The following ADAMTS12 variants were observed in gnomAD, a reference collection of about 807,000 sequenced individuals.
ADAMTS12 encodes the protein A disintegrin and metalloproteinase with thrombospondin motifs 12.
A neutral mutation model predicts 167.8 loss-of-function variants in ADAMTS12; 118 were observed. The observed-to-expected ratio is 0.70, with a 90% CI of 0.61 to 0.82. The LOEUF (loss-of-function observed/expected upper bound fraction) is 0.82. Among genes scored for constraint, ADAMTS12 ranks in the 40% least tolerant of loss-of-function variants. The probability of loss-of-function intolerance (pLI) is 0.00; values close to 1 mark genes in which losing one functional copy is unlikely to be tolerated. For missense variants in ADAMTS12, 1,916 were observed against 1,998.8 expected (o/e 0.96, Z 0.79); for synonymous variants, 704 against 716.9 (o/e 0.98, Z 0.29).
intron 2 of ADAMTS12, among the ~76,000 whole-genome samples, chr5:33,837,678 A>G (rs1169532647): frequency 6.6e-6 from 1 of 152,214 alleles, no homozygotes; most frequent in South Asian, 2.1e-4. Flanking sequence ...ATGATTTTGT[A>G]AAAGAAAGCT....
Position 33,626,361 on chromosome 5 carries a change from GGTGGTGGTGGTGATGGGGGTGATGGTA to G in ADAMTS12, c.2023-2037_2023-2011del, listed in dbSNP as rs1739598743. ...GTGGTAGTAGTGGTGGTGATGTGAT[GGTGGTGGTGGTGATGGGGGTGATGGTA>G]GTGGTGATGGTGGTGGGGGTGATGG... On this transcript the variant is annotated intron_variant, in intron 13 of 23. Coordinates refer to ENST00000504830, the MANE Select transcript of ADAMTS12 (RefSeq NM_030955.4). Among the ~76,000 whole-genome samples, 2 of 150,344 alleles carry G rather than the reference GGTGGTGGTGGTGATGGGGGTGATGGTA, an allele frequency of 1.3e-5. 1 individual carries two copies. Among genetic ancestry groups the G allele is most frequent in the South Asian group, 4.2e-4 (2 of 4,770 alleles).
chr5:33,646,815 A>C (rs927776799), intron 9 of ADAMTS12, among the ~76,000 whole-genome samples: 4 of 152,168 alleles, frequency 2.6e-5, no homozygotes, highest in African/African-American at 9.7e-5. Flanking sequence ...TGCAAAATAA[A>C]TATGTCACAT....
chr5:33,548,829 G>A (rs755727340), intron 21 of ADAMTS12, among the ~76,000 whole-genome samples: 1 of 152,096 alleles, frequency 6.6e-6, no homozygotes, highest in Non-Finnish European at 1.5e-5. Context: ...GACTGCAGAA[G>A]CCTCAGAGAG....
At position 33,849,480 on chromosome 5, in the gene ADAMTS12, A is replaced by ATAG. The variant is rs1250456198; in HGVS notation, c.489+31638_489+31639insCTA. On this transcript the variant is annotated intron_variant, in intron 2 of 23. Coordinates refer to ENST00000504830, the MANE Select transcript of ADAMTS12 (RefSeq NM_030955.4). ...ACAGCAATATATATATATGTATTGC[A>ATAG]CAGCAATATATATATATGTATTGCA... Among the ~76,000 whole-genome samples, 194 of 142,590 alleles carry ATAG rather than the reference A, an allele frequency of 1.4e-3. 31 individuals carry two copies. The Middle Eastern group carries it at 0.026, about 19-fold the overall frequency. 93.5% of individuals were successfully genotyped at this position (142,590 alleles called of 152,430 possible). A position where few individuals can be genotyped will look rare whatever the true frequency, so the allele number is the denominator to read the frequency against.
At chr5:33,630,957 G>A (rs749422537) in intron 12 of ADAMTS12, 44 bp from the exon 13 acceptor site, 1 of 1,599,218 alleles carries the variant, frequency 6.3e-7, no homozygotes, top group Non-Finnish European at 8.6e-7. Flanking sequence ...TTAGCTTTTA[G>A]CTCAGCATCC....
At chr5:33,726,965 T>C (rs1744003245) in intron 3 of ADAMTS12, among the ~76,000 whole-genome samples, 1 of 152,200 alleles carries the variant, frequency 6.6e-6, no homozygotes, top group Non-Finnish European at 1.5e-5. Context: ...CTAAGCCAGC[T>C]GCAGTTTGCC....
chr5:33,630,961 A>G lies in ADAMTS12; in HGVS notation c.1889-48T>C, dbSNP rs1579775105. 2.5e-6 allele frequency: 4 copies of G among 1,598,512 alleles called. No individual in the cohort carries two copies. In the South Asian group the frequency reaches 4.4e-5, roughly 18 times the overall value. ...AGCCTTGCAAATTAGCTTTTAGCTC[A>G]GCATCCTCCCCCAGGATTCCTCCGT... On this transcript the variant is annotated intron_variant, in intron 12 of 23. Transcript: ENST00000504830.
intron 2 of ADAMTS12, among the ~76,000 whole-genome samples, chr5:33,779,184 A>T (rs967526911): frequency 1.5e-5 from 2 of 135,506 alleles, no homozygotes; most frequent in East Asian, 2.1e-4. Context: ...TGAAATTAGT[A>T]TTTTTTTTTT....
intron 7 of ADAMTS12, among the ~76,000 whole-genome samples, chr5:33,650,428 A>AT (rs1262534901): frequency 6.6e-6 from 1 of 152,184 alleles, no homozygotes; most frequent in African/African-American, 2.4e-5. Context: ...CAAGGATAGA[A>AT]TTTTTTTAAA....
At position 33,532,472 on chromosome 5, in the gene ADAMTS12, ATT is replaced by A. The variant is rs55826401; in HGVS notation, c.4606+2359_4606+2360del. ...AACATTGGATCTAAGTACTGTTTCT[ATT>A]TTTTTTTTTTTTTTGGCCTTTTCTA... On this transcript the variant is annotated intron_variant, in intron 23 of 23. Coordinates refer to ENST00000504830, the MANE Select transcript of ADAMTS12 (RefSeq NM_030955.4). Among the ~76,000 whole-genome samples the A allele has an allele frequency of 2.6e-3, 358 of 139,366 alleles. 2 individuals carry two copies. The highest frequency in any genetic ancestry group is 3.8e-3 in the Non-Finnish European group (241 of 63,608). 91.4% of individuals were successfully genotyped at this position (139,366 alleles called of 152,430 possible).
Position 33,627,677 on chromosome 5 carries a change from T to C in ADAMTS12, c.2022+3103A>G, listed in dbSNP as rs574017768. Among the ~76,000 whole-genome samples, 14 of 152,276 alleles carry C rather than the reference T, an allele frequency of 9.2e-5. No homozygotes were observed. The South Asian group carries it at 2.5e-3, about 27-fold the overall frequency. On this transcript the variant is annotated intron_variant, in intron 13 of 23. Coordinates refer to ENST00000504830, the MANE Select transcript of ADAMTS12 (RefSeq NM_030955.4). Reference sequence around the variant, plus strand: ...AACAGGTTGGGGCAAGAATTAGGTATAATTTTAATTTAGAAATGTTAAGAT... The same window carrying C: ...AACAGGTTGGGGCAAGAATTAGGTACAATTTTAATTTAGAAATGTTAAGAT...
intron 17 of ADAMTS12, among the ~76,000 whole-genome samples, chr5:33,594,128 T>C (rs150853782): frequency 6.4e-4 from 98 of 152,318 alleles, no homozygotes; most frequent in African/African-American, 2.2e-3. Context: ...TGGTGGGAGA[T>C]AATTGAATCA....
intron 2 of ADAMTS12, among the ~76,000 whole-genome samples, chr5:33,796,716 A>G (rs1423853624): frequency 6.6e-6 from 1 of 152,184 alleles, no homozygotes; most frequent in Non-Finnish European, 1.5e-5. Flanking sequence ...TTGAAAGTAT[A>G]TATGTGCTGA....
At chr5:33,743,636 T>C (rs1487609294) in intron 3 of ADAMTS12, among the ~76,000 whole-genome samples, 2 of 152,208 alleles carry the variant, frequency 1.3e-5, no homozygotes, top group Non-Finnish European at 2.9e-5. Context: ...AGTGTGAGTG[T>C]GGGAGCTCGC....
chr5:33,614,343 AC>A lies in ADAMTS12; in HGVS notation c.2421del (p.Lys807AsnfsTer32). On this transcript the variant is annotated frameshift_variant, in exon 16 of 24. Coordinates refer to ENST00000504830, the MANE Select transcript of ADAMTS12 (RefSeq NM_030955.4). LOFTEE classifies it high-confidence loss of function. Reference protein sequence around the residue: ...LLFQVTNPGIKYEYTIQKDGL... With the variant: ...LLFQVTNPGIXYEYTIQKDGL... ...CCATCTTTCTGGATTGTGTACTCATACTTGATGCCAGGGTTAGTCACCTGGA... is the reference window on the plus strand; with the variant it reads ...CCATCTTTCTGGATTGTGTACTCATATTGATGCCAGGGTTAGTCACCTGGA... 1 of 1,614,100 alleles carries A rather than the reference AC, an allele frequency of 6.2e-7. No homozygotes were observed. Among genetic ancestry groups the A allele is most frequent in the Non-Finnish European group, 8.5e-7 (1 of 1,179,972 alleles).
intron 3 of ADAMTS12, among the ~76,000 whole-genome samples, chr5:33,729,059 TAAC>T (rs1579881392): frequency 6.6e-6 from 1 of 152,360 alleles, no homozygotes; most frequent in East Asian, 1.9e-4. Flanking sequence ...TATGAAATAT[TAAC>T]AATATTAGCT....
chr5:33,530,115 G>T (rs375026431), intron 23 of ADAMTS12, among the ~76,000 whole-genome samples: 1 of 151,324 alleles, frequency 6.6e-6, no homozygotes, highest in Non-Finnish European at 1.5e-5. Flanking sequence ...TAGTAGAGAC[G>T]GGGTTTCACC....
At chr5:33,833,140 T>C (rs867771893) in intron 2 of ADAMTS12, among the ~76,000 whole-genome samples, 2 of 152,342 alleles carry the variant, frequency 1.3e-5, no homozygotes, top group African/African-American at 4.8e-5. Context: ...ATGATGATCA[T>C]GAATAACTAT....
chr5:33,717,586 G>T (rs915361923), intron 3 of ADAMTS12, among the ~76,000 whole-genome samples: 11 of 152,110 alleles, frequency 7.2e-5, no homozygotes, highest in Non-Finnish European at 1.3e-4. Context: ...GGCACCATAT[G>T]TCTCTTTCAA....
Sources: allele counts gnomAD v4.1 joint callset (sites outside exome capture counted in the v4.1 genomes callset), GRCh38; gene constraint gnomAD v4.1.1; transcripts MANE v1.5; gene names NCBI Gene and HGNC (gene_info 2026-07-23, HGNC 2026-07-21).